ZAN: variants seen among roughly 807,000 people sequenced by gnomAD.
The protein encoded by ZAN is zonadhesin (gene/pseudogene).
Under a neutral mutation model 286.2 loss-of-function variants are expected in ZAN, and 260 were observed. That is an observed-to-expected ratio of 0.91 (90% CI 0.82 to 1.01). The LOEUF (loss-of-function observed/expected upper bound fraction) is 1.01. Among genes scored for constraint, ZAN ranks in the 50% least tolerant of loss-of-function variants. The pLI, the probability that ZAN is intolerant of heterozygous loss-of-function variation, is 0.00. For missense variants in ZAN, 3,410 were observed against 3,639.2 expected (o/e 0.94, Z 1.62); for synonymous variants, 1,368 against 1,417.5 (o/e 0.97, Z 0.79).
At chr7:100,753,727 G>A (rs1400036825) in intron 14 of ZAN, among the ~76,000 whole-genome samples, 1 of 151,380 alleles carries the variant, frequency 6.6e-6, no homozygotes, top group Non-Finnish European at 1.5e-5. Flanking sequence ...CAGCTACTCG[G>A]GAGGCTGAGG....
chr7:100,747,407 T>TAAAA (rs1808306741), intron 8 of ZAN, 143 bp from the exon 9 acceptor site: 1 of 648,722 alleles, frequency 1.5e-6, no homozygotes, highest in African/African-American at 1.9e-5. Context: ...AATGAATAAA[T>TAAAA]AAAATAAAAA....
chr7:100,746,096 G>A (rs1033886340), intron 7 of ZAN, among the ~76,000 whole-genome samples: 4 of 151,992 alleles, frequency 2.6e-5, no homozygotes, highest in African/African-American at 7.2e-5. Flanking sequence ...GCGTGGTGGC[G>A]CACACCTGTA....
chr7:100,741,065 G>A (rs1807712157), intron 7 of ZAN, among the ~76,000 whole-genome samples: 2 of 46,686 alleles, frequency 4.3e-5, no homozygotes, highest in Non-Finnish European at 1.0e-4. Context: ...GGGCAGAGGC[G>A]CCCCTCACCT....
Position 100,795,240 on chromosome 7 carries a change from C to T in ZAN, c.8170C>T (p.Arg2724Trp), listed in dbSNP as rs373836409. The T allele has an allele frequency of 1.5e-5, 24 of 1,610,858 alleles. No individual in the cohort carries two copies. The highest frequency in any genetic ancestry group is 9.4e-5 in the African/African-American group (7 of 74,742). The change falls in exon 45 of 48, where the codon CGG becomes TGG. Residue 2724 changes from arginine (R) to tryptophan (W), a missense_variant. Around this residue, in one of 7 missense-constraint regions of ZAN, gnomAD observed 1,289 missense variants for 1,314.3 expected, o/e 0.98. Coordinates refer to ENST00000613979, the MANE Select transcript of ZAN (RefSeq NM_003386.3). The stretch of plus-strand genomic sequence containing the variant: ...CCCCTGTCAGAATGACGGGCAGTGT[C>T]GGGAGCAGGGAGCCACCTTCACCTG... ...QNPCQNDGQC[R>W]EQGATFTCEC...
At chr7:100,776,948 G>A (rs1810859013) in intron 34 of ZAN, among the ~76,000 whole-genome samples, 1 of 147,664 alleles carries the variant, frequency 6.8e-6, no homozygotes, top group South Asian at 2.2e-4. Flanking sequence ...TAGCCAGGAT[G>A]GTCTCGATCT....
At chr7:100,768,826 G>T (rs889207104) in intron 27 of ZAN, 105 bp downstream of exon 27, 3 of 887,984 alleles carry the variant, frequency 3.4e-6, no homozygotes, top group Non-Finnish European at 5.0e-6. Context: ...CCTCTGTGCT[G>T]TACCTCCCAA....
intron 29 of ZAN, 76 bp downstream of exon 29, chr7:100,772,096 T>TC: frequency 7.5e-7 from 1 of 1,325,538 alleles, no homozygotes. Context: ...TCCTCTAAAT[T>TC]CTTTTTTTTT....
chr7:100,744,869 G>GTT lies in ZAN; in HGVS notation c.767-1660_767-1659dup, dbSNP rs147306368. ...CTTCTGTTTCTCATAGGTCTCCTTG[G>GTT]TTTTTTTTTTGTTGTTGTTGTTTGT... On this transcript the variant is annotated intron_variant, in intron 7 of 47. Coordinates refer to ENST00000613979, the MANE Select transcript of ZAN (RefSeq NM_003386.3). 3.5e-4 allele frequency among the ~76,000 whole-genome samples: 49 copies of GTT among 141,996 alleles called. 1 individual carries two copies. The highest frequency in any genetic ancestry group is 2.2e-3 in the East Asian group (11 of 4,902). 93.2% of individuals were successfully genotyped at this position (141,996 alleles called of 152,430 possible).
intron 19 of ZAN, 86 bp downstream of exon 19, chr7:100,760,622 A>G (rs1263008324): frequency 5.2e-6 from 8 of 1,528,094 alleles, no homozygotes; most frequent in Non-Finnish European, 7.1e-6. Context: ...CACCCTGCCC[A>G]CTCCCCTTCC....
At chr7:100,759,319 T>C (rs1809375902) in intron 17 of ZAN, among the ~76,000 whole-genome samples, 1 of 151,824 alleles carries the variant, frequency 6.6e-6, no homozygotes, top group Non-Finnish European at 1.5e-5. Context: ...GGCAGGAGGA[T>C]CGCTTGAGCC....
In ZAN at chr7:100,773,431, G is replaced by A. The variant is rs888098622; in HGVS notation, c.5572G>A (p.Gly1858Arg). Reference protein sequence around the residue: ...CECQKGHILSGTSCVPLGQCG... With the variant: ...CECQKGHILSRTSCVPLGQCG... The stretch of plus-strand genomic sequence containing the variant: ...ATGTCAGAAAGGCCACATCTTGAGT[G>A]GAACCTCCTGCGTGCCCCTTGGCCA... Residue 1858 changes from glycine to arginine, a missense_variant, in exon 30 of 48, where the codon GGA (glycine) becomes AGA (arginine). Gly to Arg is a moderately radical substitution (Grantham distance 125). Coordinates refer to ENST00000613979, the MANE Select transcript of ZAN (RefSeq NM_003386.3). 5 of 1,614,012 alleles carry A rather than the reference G, an allele frequency of 3.1e-6. No individual in the cohort carries two copies. The highest frequency in any genetic ancestry group is 3.3e-4 in the Middle Eastern group (2 of 6,060).
At chr7:100,755,170 A>C (rs929522323) in intron 14 of ZAN, 56 bp from the exon 15 acceptor site, 92 of 1,547,180 alleles carry the variant, frequency 5.9e-5, no homozygotes, top group Non-Finnish European at 8.0e-5. Context: ...AGAGACAGGG[A>C]GACTCCCTGA....
At chr7:100,765,191 A>G (rs1472205428) in intron 22 of ZAN, among the ~76,000 whole-genome samples, 161 bp from the exon 23 acceptor site, 1 of 152,084 alleles carries the variant, frequency 6.6e-6, no homozygotes, top group African/African-American at 2.4e-5. Flanking sequence ...AGCCCCAGGG[A>G]GCCAGCCAGG....
In ZAN at chr7:100,747,134, C is replaced by A. The variant is rs1326362075; in HGVS notation, c.932-416C>A. 2.0e-5 allele frequency among the ~76,000 whole-genome samples: 3 copies of A among 151,928 alleles called. No homozygotes were observed. The East Asian group carries it at 5.8e-4, about 29-fold the overall frequency. ...TGGCACAGTGGCTTATGCTTGTAAT[C>A]CTAGCACGTTGGGAGGGTGAGGCTG... On this transcript the variant is annotated intron_variant, in intron 8 of 47. Transcript: ENST00000613979.
At chr7:100,748,587 A>G in intron 11 of ZAN, 117 bp downstream of exon 11, 1 of 1,392,860 alleles carries the variant, frequency 7.2e-7, no homozygotes, top group Non-Finnish European at 9.6e-7. Context: ...ATCAGTCCAC[A>G]GGTGTTTTTT....
Position 100,736,963 on chromosome 7 carries a change from G to T in ZAN, c.408G>T (p.Leu136=). Residue 136 remains leucine, a synonymous_variant, in exon 5 of 48, where the codon CTG becomes CTT. Transcript: ENST00000613979. The part of the protein sequence containing the change: ...LSWGAQLRLL[L]LSGEEGRRPD... ...GGGGCGCCCAGCTCAGGCTGCTGCT[G>T]CTCTCGGGTGAAGAGGGCCGCCGCC... The T allele has an allele frequency of 6.6e-7, 1 of 1,504,242 alleles. No homozygotes were observed. 93.2% of individuals were successfully genotyped at this position (1,504,242 alleles called of 1,614,324 possible).
At position 100,795,292 on chromosome 7, in the gene ZAN, G is replaced by A. The variant is rs1285166826; in HGVS notation, c.8222G>A (p.Gly2741Asp). 1 of 1,610,468 alleles carries A rather than the reference G, an allele frequency of 6.2e-7. No homozygotes were observed. Residue 2741 changes from glycine to aspartate, a missense_variant, in exon 45 of 48, where the codon GGC becomes GAC. Transcript: ENST00000613979. ...TCECEVGYGGGLCMEPRDAPP... is the reference protein window; with the variant it reads ...TCECEVGYGGDLCMEPRDAPP... ...GAGTGTGAAGTTGGTTACGGGGGAGGCCTGTGTATGGAGCCTCGAGATGCG... is the reference window on the plus strand; with the variant it reads ...GAGTGTGAAGTTGGTTACGGGGGAGACCTGTGTATGGAGCCTCGAGATGCG...
At chr7:100,781,739 C>T (rs1811209052) in intron 35 of ZAN, among the ~76,000 whole-genome samples, 1 of 148,664 alleles carries the variant, frequency 6.7e-6, no homozygotes, top group South Asian at 2.1e-4. Context: ...CTCCCAGGTT[C>T]CAGTGAATCT....
Position 100,775,839 on chromosome 7 carries a change from G to A in ZAN, c.6192+6G>A, listed in dbSNP as rs781312144. On this transcript the variant is annotated splice_donor_region_variant and intron_variant, in intron 33 of 47. Transcript: ENST00000613979. Reference sequence around the variant, plus strand: ...CCACAACCTACTATGGAAAGGTGAGGAAAACATCTGGCTCTTCTCGCTGGG... The same window carrying A: ...CCACAACCTACTATGGAAAGGTGAGAAAAACATCTGGCTCTTCTCGCTGGG... 1.5e-5 allele frequency: 24 copies of A among 1,613,198 alleles called. 1 individual carries two copies. In the South Asian group the frequency reaches 2.4e-4, roughly 16 times the overall value.
Sources: allele counts gnomAD v4.1 joint callset (sites outside exome capture counted in the v4.1 genomes callset), GRCh38; gene constraint gnomAD v4.1.1; regional missense constraint gnomAD v4.1.1; transcripts MANE v1.5; gene names NCBI Gene and HGNC (gene_info 2026-07-23, HGNC 2026-07-21).